KIAA1217: variants seen among roughly 807,000 people sequenced by gnomAD.
KIAA1217 encodes KIAA1217.
In KIAA1217, 88 loss-of-function variants were observed where a neutral mutation model predicts 163.9. That is an observed-to-expected ratio of 0.54 (90% CI 0.45 to 0.64). The LOEUF (loss-of-function observed/expected upper bound fraction) is 0.64, where lower values mean the gene tolerates loss of function less well. Among genes scored for constraint, KIAA1217 ranks in the 30% least tolerant of loss-of-function variants. The pLI, the probability that KIAA1217 is intolerant of heterozygous loss-of-function variation, is 0.00. For missense variants in KIAA1217, 2,372 were observed against 2,475.0 expected (o/e 0.96, Z 0.88); for synonymous variants, 903 against 923.1 (o/e 0.98, Z 0.39).
upstream of KIAA1217, among the ~76,000 whole-genome samples, chr10:24,203,877 C>T (rs982604815): frequency 6.6e-6 from 1 of 152,236 alleles, no homozygotes; most frequent in Non-Finnish European, 1.5e-5. Flanking sequence ...CAGACTTTGT[C>T]TGCAGTGACC....
chr10:23,975,241 C>G (rs1470694285), intron 1 of KIAA1217, among the ~76,000 whole-genome samples: 1 of 152,156 alleles, frequency 6.6e-6, no homozygotes, highest in Admixed American at 6.5e-5. Context: ...TGTTTGCTAG[C>G]TGATTTTACT....
chr10:23,995,450 C>CTG (rs58865993), intron 1 of KIAA1217, among the ~76,000 whole-genome samples: 17,438 of 147,728 alleles, frequency 0.12, 1,590 homozygotes, highest in African/African-American at 0.27. Context: ...CAATTATGGC[C>CTG]TGTGTGTGTG....
chr10:23,771,159 A>G (rs1205916861), intron 1 of KIAA1217, among the ~76,000 whole-genome samples: 1 of 152,156 alleles, frequency 6.6e-6, no homozygotes, highest in Non-Finnish European at 1.5e-5. Context: ...TTCCAAAGAC[A>G]TGGCTTTGCC....
rs1554894744 is a variant in KIAA1217, at chr10:24,177,299, T to TATATATATATATATATATA, written c.-170-42326_-170-42325insTATATATATATATATATAA. Among the ~76,000 whole-genome samples the TATATATATATATATATATA allele has an allele frequency of 3.2e-4, 15 of 46,906 alleles. 1 individual carries two copies. The highest frequency in any genetic ancestry group is 4.2e-4 in the Non-Finnish European group (11 of 26,048). 30.8% of individuals were successfully genotyped at this position (46,906 alleles called of 152,430 possible). ...TATATATATATATATATATATATAT[T>TATATATATATATATATATA]ACAATTTCTTTGTCATATATATCAC... On this transcript the variant is annotated intron_variant, in intron 2 of 18. Transcript: ENST00000376462.
At chr10:23,830,413 G>T (rs1187589752) in intron 1 of KIAA1217, among the ~76,000 whole-genome samples, 1 of 152,088 alleles carries the variant, frequency 6.6e-6, no homozygotes, top group Non-Finnish European at 1.5e-5. Flanking sequence ...ACCGTGTCCA[G>T]GGCTCTCTGA....
In KIAA1217 at chr10:24,542,895, G is replaced by T; in HGVS notation, c.3625G>T (p.Ala1209Ser). ...QMEFQKVTTG[A>S]VRPSDPPKWE... The stretch of plus-strand genomic sequence containing the variant: ...TTCTCCCTCTCAGGTTACCACAGGG[G>T]CTGTAAGACCTAGTGACCCTCCTAA... The change falls in exon 19 of 21, where the codon GCT (alanine) becomes TCT (serine). Residue 1209 changes from alanine (A) to serine (S), a missense_variant. By Grantham distance (99) the Ala-to-Ser change is moderately conservative. Coordinates refer to ENST00000376454, the MANE Select transcript of KIAA1217 (RefSeq NM_019590.5). 6.2e-7 allele frequency: 1 copy of T among 1,610,930 alleles called. No individual in the cohort carries two copies. The highest frequency in any genetic ancestry group is 8.5e-7 in the Non-Finnish European group (1 of 1,178,356).
intron 17 of KIAA1217, chr10:24,542,410 A>G (rs1368644592): frequency 4.1e-6 from 3 of 736,596 alleles, no homozygotes; most frequent in Non-Finnish European, 5.9e-6. Flanking sequence ...CATGTTAGTA[A>G]TGACTCTGTC....
chr10:24,467,898 A>C (rs1265049879), intron 5 of KIAA1217, among the ~76,000 whole-genome samples: 2 of 151,872 alleles, frequency 1.3e-5, no homozygotes, highest in Non-Finnish European at 2.9e-5. Flanking sequence ...TCTGACTTTG[A>C]GTACCAGCGC....
At chr10:24,421,956 A>G (rs2058764620) in intron 3 of KIAA1217, among the ~76,000 whole-genome samples, 1 of 152,214 alleles carries the variant, frequency 6.6e-6, no homozygotes, top group East Asian at 1.9e-4. Context: ...ATAAAGACAT[A>G]CCTGAGACTG....
At chr10:23,955,301 T>G (rs1564563447) in intron 1 of KIAA1217, among the ~76,000 whole-genome samples, 1 of 152,166 alleles carries the variant, frequency 6.6e-6, no homozygotes, top group African/African-American at 2.4e-5. Context: ...TAAAGTGCAA[T>G]GCATGCCTAT....
intron 4 of KIAA1217, among the ~76,000 whole-genome samples, chr10:24,437,599 TG>T (rs2060148097): frequency 6.6e-6 from 1 of 152,166 alleles, no homozygotes; most frequent in East Asian, 1.9e-4. Context: ...AAGCTGAACA[TG>T]GAGGGAGAGA....
chr10:24,520,687 C>CAAAAAA (rs71472810), intron 11 of KIAA1217, among the ~76,000 whole-genome samples: 3 of 81,480 alleles, frequency 3.7e-5, no homozygotes, highest in African/African-American at 1.0e-4. Context: ...CACACACACA[C>CAAAAAA]AAAAAAAAAT....
chr10:24,213,116 T>C (rs7089018), intron 1 of KIAA1217, among the ~76,000 whole-genome samples: 88,843 of 152,074 alleles, frequency 0.58, 26,252 homozygotes, highest in East Asian at 0.68. Context: ...CTCTAATCAA[T>C]GAAGCTTCCA....
chr10:23,870,618 C>G (rs1017974019), intron 1 of KIAA1217, among the ~76,000 whole-genome samples: 1 of 152,068 alleles, frequency 6.6e-6, no homozygotes, highest in East Asian at 1.9e-4. Context: ...GCAAGTTTTA[C>G]GTACTTTAAA....
chr10:24,259,525 G>A (rs909345187), intron 2 of KIAA1217, among the ~76,000 whole-genome samples: 1 of 152,214 alleles, frequency 6.6e-6, no homozygotes, highest in Non-Finnish European at 1.5e-5. Flanking sequence ...TAAGGTGGGA[G>A]GATTGCTTAA....
At chr10:24,448,138 G>T (rs1368119707) in intron 5 of KIAA1217, among the ~76,000 whole-genome samples, 1 of 151,874 alleles carries the variant, frequency 6.6e-6, no homozygotes, top group East Asian at 1.9e-4. Flanking sequence ...CAAAAAAAAA[G>T]AAGTTAATAA....
At chr10:24,515,731 T>C (rs1296851602) in intron 10 of KIAA1217, among the ~76,000 whole-genome samples, 2 of 152,218 alleles carry the variant, frequency 1.3e-5, no homozygotes, top group African/African-American at 2.4e-5. Context: ...TCATTCTTTG[T>C]ATGACCCACA....
rs78611934 is a variant in KIAA1217 at position 24,382,995 on chromosome 10, G to A, written c.553+1928G>A. Among the ~76,000 whole-genome samples the A allele has an allele frequency of 7.1e-3, 1,073 of 151,942 alleles. 6 individuals carry two copies. The highest frequency in any genetic ancestry group is 0.011 in the Non-Finnish European group (749 of 67,934). ...TCAGAGTAGATGGGACTACAGGCAC[G>A]CACCCAGGCGCCTGGCTAATTTTTT... On this transcript the variant is annotated intron_variant, in intron 3 of 20. Transcript: ENST00000376454.
At chr10:24,371,970 T>A (rs535302436) in intron 2 of KIAA1217, among the ~76,000 whole-genome samples, 51 of 152,314 alleles carry the variant, frequency 3.3e-4, no homozygotes, top group African/African-American at 1.2e-3. Context: ...CAATGCAGCA[T>A]GTTCTTACTT....
Sources: allele counts gnomAD v4.1 joint callset (sites outside exome capture counted in the v4.1 genomes callset), GRCh38; gene constraint gnomAD v4.1.1; transcripts MANE v1.5; gene names NCBI Gene and HGNC (gene_info 2026-07-23, HGNC 2026-07-21).